CPSF3: variants seen among roughly 807,000 people sequenced by gnomAD.
CPSF3 encodes cleavage and polyadenylation specific factor 3.
In CPSF3, 57 loss-of-function variants were observed where a neutral mutation model predicts 84.1. That is an observed-to-expected ratio of 0.68 (90% CI 0.55 to 0.85). The LOEUF is 0.85. Ranked by LOEUF, CPSF3 falls within the 40% of genes least tolerant of loss-of-function variation. CPSF3 has a pLI of 0.00. For synonymous variants in CPSF3, 275 were observed against 278.1 expected, an observed-to-expected ratio of 0.99 and a Z score of 0.11; for missense variants, 522 against 838.8, an observed-to-expected ratio of 0.62 and a Z score of 4.66.
chr2:9,448,281 C>T lies in CPSF3; in HGVS notation c.1326C>T (p.His442=). 1 of 1,612,670 alleles carries T rather than the reference C, an allele frequency of 6.2e-7. No homozygotes were observed. The highest frequency in any genetic ancestry group is 8.5e-7 in the Non-Finnish European group (1 of 1,178,816). Residue 442 remains histidine (H), a synonymous_variant, in exon 11 of 18, where the codon CAC becomes CAT. Coordinates refer to ENST00000238112, the MANE Select transcript of CPSF3 (RefSeq NM_016207.4). Reference sequence around the variant, plus strand: ...AATATGAAGATAACGATGAAGTTCACATAGAGGTTCATAATCCTCGGAATA... The same window carrying T: ...AATATGAAGATAACGATGAAGTTCATATAGAGGTTCATAATCCTCGGAATA... ...IREYEDNDEV[H]IEVHNPRNTE...
intron 10 of CPSF3, among the ~76,000 whole-genome samples, chr2:9,444,158 A>ATATAT (rs1216393477): frequency 3.6e-4 from 44 of 123,166 alleles, no homozygotes; most frequent in African/African-American, 4.5e-4. Context: ...ATATATATAT[A>ATATAT]TTTTTTTTTT....
intron 17 of CPSF3, 60 bp from the exon 18 acceptor site, chr2:9,472,856 A>G: frequency 8.9e-7 from 1 of 1,127,904 alleles, no homozygotes; most frequent in East Asian, 2.5e-5. Context: ...GTATTCATTT[A>G]TCTTCTATAT....
intron 6 of CPSF3, among the ~76,000 whole-genome samples, chr2:9,434,769 T>C (rs1321186990): frequency 6.6e-6 from 1 of 152,094 alleles, no homozygotes; most frequent in Non-Finnish European, 1.5e-5. Flanking sequence ...CAGCTTGGGA[T>C]GTGTGTTGCT....
At chr2:9,464,025 A>G (rs555857640) in intron 15 of CPSF3, among the ~76,000 whole-genome samples, 1 of 152,258 alleles carries the variant, frequency 6.6e-6, no homozygotes, top group African/African-American at 2.4e-5. Context: ...CTGACACTTC[A>G]GTCCAGATTC....
At chr2:9,439,891 A>T (rs1450162767) in intron 7 of CPSF3, among the ~76,000 whole-genome samples, 2 of 152,148 alleles carry the variant, frequency 1.3e-5, no homozygotes, top group Non-Finnish European at 2.9e-5. Flanking sequence ...AGGTGGAAGG[A>T]TCACTTGAAC....
chr2:9,465,716 G>C (rs567909437), intron 15 of CPSF3, among the ~76,000 whole-genome samples: 1 of 152,264 alleles, frequency 6.6e-6, no homozygotes, highest in African/African-American at 2.4e-5. Flanking sequence ...ATCCTTCTAA[G>C]AGCTCAGCTG....
intron 6 of CPSF3, among the ~76,000 whole-genome samples, chr2:9,435,456 C>T (rs1208892681): frequency 6.8e-6 from 1 of 148,028 alleles, no homozygotes; most frequent in East Asian, 2.0e-4. Context: ...GATGGAGTCT[C>T]ACTCTGGAGT....
chr2:9,425,339 G>A (rs933387345), intron 1 of CPSF3, among the ~76,000 whole-genome samples: 5 of 152,192 alleles, frequency 3.3e-5, no homozygotes, highest in African/African-American at 1.2e-4. Flanking sequence ...GCCAGCGAAG[G>A]CTATTAAGCA....
intron 11 of CPSF3, among the ~76,000 whole-genome samples, chr2:9,452,073 A>G (rs1460472008): frequency 6.6e-6 from 1 of 151,712 alleles, no homozygotes; most frequent in East Asian, 1.9e-4. Flanking sequence ...TCACGCATGT[A>G]ATTCCAACAC....
chr2:9,427,574 C>A (rs955841437), intron 1 of CPSF3, among the ~76,000 whole-genome samples: 2 of 152,134 alleles, frequency 1.3e-5, no homozygotes, highest in African/African-American at 4.8e-5. Context: ...GAATTTATGG[C>A]GGCTCTCATC....
At chr2:9,443,708 A>T in intron 10 of CPSF3, 47 bp downstream of exon 10, 1 of 1,598,218 alleles carries the variant, frequency 6.3e-7, no homozygotes. Flanking sequence ...AAAAAAGTGC[A>T]TACCCAGGAA....
chr2:9,429,663 C>A (rs56120855), intron 2 of CPSF3, among the ~76,000 whole-genome samples: 1 of 152,032 alleles, frequency 6.6e-6, no homozygotes, highest in African/African-American at 2.4e-5. Flanking sequence ...GTTAGAATGA[C>A]GACCAAAAGT....
chr2:9,441,536 C>T (rs1217903477), intron 8 of CPSF3, among the ~76,000 whole-genome samples: 3 of 152,186 alleles, frequency 2.0e-5, no homozygotes, highest in Non-Finnish European at 2.9e-5. Flanking sequence ...GCCTGCTAGG[C>T]GCTGAAGATG....
chr2:9,446,858 A>G (rs1216127056), intron 10 of CPSF3, among the ~76,000 whole-genome samples: 1 of 152,170 alleles, frequency 6.6e-6, no homozygotes, highest in Non-Finnish European at 1.5e-5. Flanking sequence ...AAAATATTCC[A>G]TTTGGGGCTG....
At position 9,467,761 on chromosome 2, in the gene CPSF3, T is replaced by G. The variant is rs761155829; in HGVS notation, c.1841T>G (p.Leu614Trp). ...KLEMHVYSKR[L>W]EIMLQDIFGE... The stretch of plus-strand genomic sequence containing the variant: ...GAAATGCACGTTTACAGCAAGAGGT[T>G]GGAGATCATGCTCCAGTAAGTTTTT... The change falls in exon 16 of 18, where the codon TTG (leucine) becomes TGG (tryptophan). Residue 614 changes from leucine (L) to tryptophan (W), a missense_variant. This residue lies in a region of CPSF3 where 193 missense variants were observed against 231.6 expected (regional missense o/e 0.83). Coordinates refer to ENST00000238112, the MANE Select transcript of CPSF3 (RefSeq NM_016207.4). The G allele has an allele frequency of 6.2e-7, 1 of 1,613,120 alleles. No individual in the cohort carries two copies. The highest frequency in any genetic ancestry group is 8.5e-7 in the Non-Finnish European group (1 of 1,179,202).
At chr2:9,465,307 G>A (rs1451963769) in intron 15 of CPSF3, among the ~76,000 whole-genome samples, 1 of 152,118 alleles carries the variant, frequency 6.6e-6, no homozygotes, top group African/African-American at 2.4e-5. Flanking sequence ...AGCCAGGCAC[G>A]GTAGCACACA....
At chr2:9,431,329 C>T (rs1011835001) in intron 4 of CPSF3, among the ~76,000 whole-genome samples, 4 of 152,186 alleles carry the variant, frequency 2.6e-5, no homozygotes, top group Admixed American at 6.5e-5. Context: ...GCTGGGATTA[C>T]AGGCATGAGC....
At chr2:9,441,508 C>T (rs1425392812) in intron 8 of CPSF3, among the ~76,000 whole-genome samples, 1 of 152,142 alleles carries the variant, frequency 6.6e-6, no homozygotes, top group Non-Finnish European at 1.5e-5. Flanking sequence ...TTTGACTCTT[C>T]CTTTTACTTT....
chr2:9,456,367 C>T (rs1356685911), intron 13 of CPSF3, among the ~76,000 whole-genome samples: 1 of 152,222 alleles, frequency 6.6e-6, no homozygotes, highest in Non-Finnish European at 1.5e-5. Flanking sequence ...ATCAGTAACG[C>T]TCTTCATGAC....
Sources: allele counts gnomAD v4.1 joint callset (sites outside exome capture counted in the v4.1 genomes callset), GRCh38; gene constraint gnomAD v4.1.1; regional missense constraint gnomAD v4.1.1; transcripts MANE v1.5; gene names NCBI Gene and HGNC (gene_info 2026-07-23, HGNC 2026-07-21).